COL4A5: variants seen among roughly 807,000 people sequenced by gnomAD.
COL4A5 encodes collagen type IV alpha 5 chain.
In COL4A5, 26 loss-of-function variants were observed where a neutral mutation model predicts 130.2. That is an observed-to-expected ratio of 0.20 (90% CI 0.15 to 0.28). COL4A5 has a LOEUF of 0.28. Among genes scored for constraint, COL4A5 ranks in the 10% least tolerant of loss-of-function variants. The pLI is 1.00. For synonymous variants in COL4A5, 496 were observed against 439.6 expected (o/e 1.13, Z -1.60); for missense variants, 1,131 against 1,344.3 (o/e 0.84, Z 2.48).
At chrX:108,637,003 C>T (rs969034391) in intron 36 of COL4A5, among the ~76,000 whole-genome samples, 4 of 93,440 alleles carry the variant, frequency 4.3e-5, no homozygotes, top group African/African-American at 1.2e-4. Context: ...AGTGCAGTGG[C>T]GTGATTGTGG....
Position 108,680,682 on chromosome X carries a change from A to C in COL4A5, c.3946A>C (p.Asn1316His). The C allele has an allele frequency of 8.3e-7, 1 of 1,206,741 alleles. No individual in the cohort carries two copies. Among genetic ancestry groups the C allele is most frequent in the Non-Finnish European group, 1.1e-6 (1 of 891,553 alleles). The change falls in exon 45 of 53, where the codon AAT becomes CAT. Residue 1316 changes from asparagine (N) to histidine (H), a missense_variant. Physicochemically the swap from Asn to His is moderately conservative, Grantham distance 68. Transcript: ENST00000328300. ...GDQGPPGLQG[N>H]PGRPGLNGMK... ...ATTAATGATTTTATTTATTCAGGGT[A>C]ATCCTGGCCGGCCGGGTCTCAATGG...
At chrX:108,458,025 G>C (rs1351155476) in intron 1 of COL4A5, among the ~76,000 whole-genome samples, 1 of 111,632 alleles carries the variant, frequency 9.0e-6, no homozygotes, top group African/African-American at 3.3e-5. Flanking sequence ...CCATTTGGTG[G>C]CTTGCGTTTT....
intron 1 of COL4A5, among the ~76,000 whole-genome samples, chrX:108,521,999 A>G (rs190265746): frequency 9.0e-6 from 1 of 110,703 alleles, no homozygotes; most frequent in Admixed American, 9.7e-5. Context: ...GAAACCATCA[A>G]TCTACTTGTC....
chrX:108,441,126 T>C (rs756777143), intron 1 of COL4A5, among the ~76,000 whole-genome samples: 1 of 107,425 alleles, frequency 9.3e-6, no homozygotes, highest in East Asian at 3.0e-4. Context: ...CACTGTCCTA[T>C]TGGGGATGAG....
At chrX:108,560,941 T>G (rs2065891176) in intron 3 of COL4A5, among the ~76,000 whole-genome samples, 1 of 111,347 alleles carries the variant, frequency 9.0e-6, no homozygotes, top group Non-Finnish European at 1.9e-5. Flanking sequence ...ATGGCTCCAA[T>G]GGCAGATCAT....
In COL4A5 at chrX:108,504,682, C is replaced by A. The variant is rs150717988; in HGVS notation, c.82-35064C>A. 1.0e-2 allele frequency among the ~76,000 whole-genome samples: 1,123 copies of A among 112,311 alleles called. 5 individuals are homozygous for A. The highest frequency in any genetic ancestry group is 0.016 in the Non-Finnish European group (846 of 53,186). ...TCAATGTAAATGCAAATTAAAACCA[C>A]AATGAAGTGCCACCTTACCCCAGCT... On this transcript the variant is annotated intron_variant, in intron 1 of 52. Coordinates refer to ENST00000328300, the MANE Select transcript of COL4A5 (RefSeq NM_033380.3).
At chrX:108,458,788 G>A (rs1000595448) in intron 1 of COL4A5, among the ~76,000 whole-genome samples, 1 of 111,236 alleles carries the variant, frequency 9.0e-6, no homozygotes, top group Non-Finnish European at 1.9e-5. Flanking sequence ...AGACCATCCT[G>A]GCTAACACGG....
intron 36 of COL4A5, 101 bp downstream of exon 36, chrX:108,626,450 A>G (rs2067156573): frequency 8.6e-7 from 1 of 1,167,463 alleles, no homozygotes; most frequent in Non-Finnish European, 1.2e-6. Flanking sequence ...CTATAGAATG[A>G]CATAGTATAT....
chrX:108,654,940 G>T (rs1305304552), intron 36 of COL4A5, among the ~76,000 whole-genome samples: 2 of 112,307 alleles, frequency 1.8e-5, no homozygotes, highest in Non-Finnish European at 3.8e-5. Context: ...TCACTTACTA[G>T]CTCCATCACT....
chrX:108,594,647 A>G (rs1283857534), intron 21 of COL4A5, among the ~76,000 whole-genome samples: 1 of 107,594 alleles, frequency 9.3e-6, no homozygotes. Context: ...TATACCAAAC[A>G]TGGCTATTCT....
intron 36 of COL4A5, among the ~76,000 whole-genome samples, chrX:108,638,395 C>T: frequency 9.0e-6 from 1 of 110,780 alleles, no homozygotes; most frequent in Non-Finnish European, 1.9e-5. Context: ...TAAAAAAACA[C>T]ACCACAAGCT....
At chrX:108,604,210 G>T (rs545048538) in intron 28 of COL4A5, among the ~76,000 whole-genome samples, 1 of 111,904 alleles carries the variant, frequency 8.9e-6, no homozygotes, top group South Asian at 3.7e-4. Context: ...AATTTGTTTT[G>T]CCAGATCCAT....
At chrX:108,527,822 C>A (rs962171297) in intron 1 of COL4A5, among the ~76,000 whole-genome samples, 1 of 111,975 alleles carries the variant, frequency 8.9e-6, no homozygotes, top group South Asian at 3.8e-4. Flanking sequence ...AAACTCCCAA[C>A]CACTACCACT....
chrX:108,668,807 G>A (rs1041954643), intron 41 of COL4A5, among the ~76,000 whole-genome samples: 1 of 111,522 alleles, frequency 9.0e-6, no homozygotes, highest in Non-Finnish European at 1.9e-5. Flanking sequence ...GTTACTAAAA[G>A]GTAAAACTAT....
chrX:108,622,743 G>A lies in COL4A5; in HGVS notation c.2835G>A (p.Glu945=). ...CAGGAGAAAAAGGTAGTAAAGGAGA[G>A]CCTGGCCTTCCAGGCCCTCCTGGAC... is the stretch of plus-strand genomic sequence containing the variant. ...GPTGEKGSKG[E]PGLPGPPGPM... The change falls in exon 33 of 53, where the codon GAG becomes GAA. Residue 945 remains glutamate (E), a synonymous_variant. Transcript: ENST00000328300. 8.3e-7 allele frequency: 1 copy of A among 1,211,116 alleles called. No individual in the cohort carries two copies. The highest frequency in any genetic ancestry group is 1.1e-6 in the Non-Finnish European group (1 of 894,926).
intron 1 of COL4A5, among the ~76,000 whole-genome samples, chrX:108,519,359 T>A (rs73638869): frequency 0.1 from 11,619 of 111,041 alleles, 1,296 homozygotes; most frequent in African/African-American, 0.34. Flanking sequence ...ATTATATTGT[T>A]TACATACAAT....
chrX:108,585,672 A>G (rs1187189343), intron 18 of COL4A5, among the ~76,000 whole-genome samples: 1 of 111,464 alleles, frequency 9.0e-6, no homozygotes, highest in Non-Finnish European at 1.9e-5. Context: ...TCTGAAGTTC[A>G]TTTACCTTTA....
chrX:108,591,731 A>T, intron 21 of COL4A5, 87 bp downstream of exon 21: 1 of 711,848 alleles, frequency 1.4e-6, no homozygotes, highest in South Asian at 2.2e-5. Context: ...ATCACACCTT[A>T]GCCACTGACT....
chrX:108,608,349 C>T (rs1304543943), intron 29 of COL4A5, among the ~76,000 whole-genome samples: 5 of 111,015 alleles, frequency 4.5e-5, no homozygotes, highest in African/African-American at 1.6e-4. Flanking sequence ...GTATATCTAC[C>T]ACCCAGATTC....
Sources: gnomAD v4.1 joint callset for allele counts (sites outside exome capture counted in the v4.1 genomes callset) on GRCh38, gnomAD v4.1.1 for gene constraint, MANE v1.5 for transcripts, NCBI Gene and HGNC (gene_info 2026-07-23, HGNC 2026-07-21) for gene names.